The following LARP4B variants were observed in gnomAD, a reference collection of about 807,000 sequenced individuals.
The protein encoded by LARP4B is la-related protein 4B.
A neutral mutation model predicts 89.8 loss-of-function variants in LARP4B; 12 were observed. That is an observed-to-expected ratio of 0.13 (90% CI 0.09 to 0.22). The LOEUF is 0.22. Ranked by LOEUF, LARP4B falls within the 10% of genes least tolerant of loss-of-function variation. The pLI is 1.00. For missense variants in LARP4B, 757 were observed against 947.7 expected, an observed-to-expected ratio of 0.80 and a Z score of 2.64; for synonymous variants, 367 against 363.3, an observed-to-expected ratio of 1.01 and a Z score of -0.12.
At chr10:854,874 A>G (rs1014557023) in intron 5 of LARP4B, among the ~76,000 whole-genome samples, 1 of 152,206 alleles carries the variant, frequency 6.6e-6, no homozygotes, top group Non-Finnish European at 1.5e-5. Context: ...TCCTTCTAAT[A>G]TAAGGCTATT....
At chr10:854,171 C>T (rs889701754) in intron 5 of LARP4B, among the ~76,000 whole-genome samples, 1 of 152,190 alleles carries the variant, frequency 6.6e-6, no homozygotes, top group Non-Finnish European at 1.5e-5. Flanking sequence ...TCAGGCTGTA[C>T]TTCTGATTCC....
At chr10:845,475 G>T (rs1187406178) in intron 5 of LARP4B, among the ~76,000 whole-genome samples, 1 of 152,186 alleles carries the variant, frequency 6.6e-6, no homozygotes, top group Non-Finnish European at 1.5e-5. Context: ...CAAGGCTGGA[G>T]ATCAAACAGG....
chr10:968,272 A>G, the LARP4B span, among the ~76,000 whole-genome samples: 34 of 152,242 alleles, frequency 2.2e-4, no homozygotes, highest in African/African-American at 8.2e-4. Context: ...AGGCTTTCCC[A>G]GCAAGTAATG....
chr10:820,707 G>C, intron 14 of LARP4B, 93 bp downstream of exon 14: 1 of 1,123,426 alleles, frequency 8.9e-7, no homozygotes, highest in South Asian at 1.4e-5. Flanking sequence ...GCTCATTCTT[G>C]TGCCTTAACC....
rs1476708561 is a variant in LARP4B, at chr10:905,225, T to C, written c.-39-19465A>G. On this transcript the variant is annotated intron_variant, in intron 1 of 17. Coordinates refer to ENST00000316157, the MANE Select transcript of LARP4B (RefSeq NM_015155.3). ...TTAATACAGCCCTGGAGGCACTCCC[T>C]AAAGTCTTATTATCTGAACCTGCAA... Among the ~76,000 whole-genome samples, 29 of 152,214 alleles carry C rather than the reference T, an allele frequency of 1.9e-4. 1 individual carries two copies. Among genetic ancestry groups the C allele is most frequent in the Admixed American group, 1.9e-3 (29 of 15,280 alleles).
intron 14 of LARP4B, chr10:819,257 G>A (rs964101137): frequency 6.6e-6 from 1 of 152,204 alleles, no homozygotes; most frequent in African/African-American, 2.4e-5. Context: ...CCCCAAAAAT[G>A]TATTTAAATC....
the LARP4B span, chr10:987,020 A>C: frequency 6.6e-6 from 1 of 152,264 alleles, no homozygotes; most frequent in Non-Finnish European, 1.5e-5. Flanking sequence ...ATACCGGATT[A>C]CAAGAAAAAG....
the LARP4B span, among the ~76,000 whole-genome samples, chr10:943,665 C>T: frequency 6.6e-6 from 1 of 152,100 alleles, no homozygotes; most frequent in Non-Finnish European, 1.5e-5. Context: ...ATTGGGTGAG[C>T]TAAGACTGAC....
chr10:868,387 A>C (rs1447786545), intron 3 of LARP4B, among the ~76,000 whole-genome samples: 1 of 151,970 alleles, frequency 6.6e-6, no homozygotes, highest in Non-Finnish European at 1.5e-5. Context: ...TTAAAAAAAA[A>C]AAAAAAAAAA....
intron 1 of LARP4B, among the ~76,000 whole-genome samples, chr10:899,063 T>A (rs1409208455): frequency 6.6e-6 from 1 of 152,228 alleles, no homozygotes; most frequent in African/African-American, 2.4e-5. Context: ...AATGTACAGA[T>A]CATGATTTTA....
the LARP4B span, among the ~76,000 whole-genome samples, chr10:948,070 C>T: frequency 3.9e-5 from 6 of 152,068 alleles, no homozygotes; most frequent in Admixed American, 2.0e-4. Context: ...CCTGGAGCTG[C>T]GCCGACTGCC....
the LARP4B span, among the ~76,000 whole-genome samples, chr10:955,917 C>T: frequency 6.6e-6 from 1 of 152,178 alleles, no homozygotes; most frequent in Non-Finnish European, 1.5e-5. This position sits in a 1 kb window ranked among gnomAD's most constrained non-coding sequence, Gnocchi z 5.2. Flanking sequence ...TGTTTCCCCT[C>T]TCACGCCCGC....
rs565466584 is a variant in LARP4B, at chr10:839,745, C to T, written c.646+3187G>A. On this transcript the variant is annotated intron_variant, in intron 7 of 17. Coordinates refer to ENST00000316157, the MANE Select transcript of LARP4B (RefSeq NM_015155.3). ...ACTTTGGAAAACAGGCAGGTGGTTT[C>T]ACAGTTGCTCACACACCTAACCACA... 2.0e-5 allele frequency among the ~76,000 whole-genome samples: 3 copies of T among 152,324 alleles called. No homozygotes were observed. In the South Asian group the frequency reaches 6.2e-4, roughly 32 times the overall value.
intron 5 of LARP4B, among the ~76,000 whole-genome samples, chr10:852,769 A>T (rs982691060): frequency 1.3e-5 from 2 of 152,266 alleles, no homozygotes; most frequent in African/African-American, 4.8e-5. Flanking sequence ...ATAAGTGAGC[A>T]TAACAAAATT....
chr10:977,285 C>G, the LARP4B span, among the ~76,000 whole-genome samples: 4 of 152,242 alleles, frequency 2.6e-5, no homozygotes, highest in African/African-American at 9.6e-5. Flanking sequence ...TCCTGAGTAG[C>G]TGGGACTACA....
intron 3 of LARP4B, among the ~76,000 whole-genome samples, chr10:874,289 A>C (rs1835365806): frequency 6.6e-6 from 1 of 152,192 alleles, no homozygotes; most frequent in Admixed American, 6.6e-5. Context: ...GGTAATGTTC[A>C]AGTTAATGAT....
In LARP4B at chr10:813,130, T is replaced by C; in HGVS notation, c.2013A>G (p.Glu671=). ...CACAACCAACAGTGTTTGGCTTTTG[T>C]TCTTTTTGGGGTTGCAATGGGGAAG... ...PPSSPLQPQK[E]QKPNTVGCGK... Residue 671 remains glutamate, a synonymous_variant, in exon 18 of 18, where the codon GAA becomes GAG. Transcript: ENST00000316157. 6.2e-7 allele frequency: 1 copy of C among 1,614,160 alleles called. No individual in the cohort carries two copies. The highest frequency in any genetic ancestry group is 1.1e-5 in the South Asian group (1 of 91,076).
chr10:833,262 A>C (rs919032807), intron 8 of LARP4B, among the ~76,000 whole-genome samples: 2 of 133,758 alleles, frequency 1.5e-5, no homozygotes, highest in African/African-American at 5.3e-5. Context: ...AAAAAAAAAA[A>C]AAAAAAAAAA....
chr10:978,207 T>C, the LARP4B span, among the ~76,000 whole-genome samples: 1 of 152,190 alleles, frequency 6.6e-6, no homozygotes, highest in Admixed American at 6.5e-5. Context: ...CTTCATTTTA[T>C]TTGTTCTTTT....
Sources: gnomAD v4.1 joint callset for allele counts (sites outside exome capture counted in the v4.1 genomes callset) on GRCh38, gnomAD v4.1.1 for gene constraint, Gnocchi (gnomAD v3.1) non-coding constraint, MANE v1.5 for transcripts, NCBI Gene and HGNC (gene_info 2026-07-23, HGNC 2026-07-21) for gene names.